Variants in CDH4 observed in about 807,000 individuals in gnomAD.
The protein encoded by CDH4 is cadherin-4.
Under a neutral mutation model 86.0 loss-of-function variants are expected in CDH4, and 33 were observed. The ratio of observed to expected loss-of-function variants is 0.38; its 90% CI spans 0.29 to 0.51. The LOEUF is 0.51. Among genes scored for constraint, CDH4 ranks in the 20% least tolerant of loss-of-function variants. The pLI, the probability that CDH4 is intolerant of heterozygous loss-of-function variation, is 0.86. For synonymous variants in CDH4, 555 were observed against 549.4 expected (o/e 1.01, Z -0.14); for missense variants, 1,114 against 1,307.4 (o/e 0.85, Z 2.28).
chr20:61,720,339 G>A (rs2088022212), intron 2 of CDH4, among the ~76,000 whole-genome samples: 1 of 152,122 alleles, frequency 6.6e-6, no homozygotes, highest in African/African-American at 2.4e-5. Context: ...CAGGAAGCAG[G>A]GCAGCAACTT....
intron 4 of CDH4, among the ~76,000 whole-genome samples, chr20:61,795,734 G>C (rs1426038896): frequency 2.0e-5 from 3 of 152,136 alleles, no homozygotes; most frequent in Admixed American, 6.5e-5. Context: ...CAGGAAGGAG[G>C]GAGGCTGGGC....
intron 2 of CDH4, among the ~76,000 whole-genome samples, chr20:61,318,041 G>A (rs774136788): frequency 3.9e-5 from 6 of 152,176 alleles, no homozygotes; most frequent in Non-Finnish European, 7.4e-5. Flanking sequence ...AGACTAAAGG[G>A]CTGGAGGGTG....
chr20:61,506,593 T>G (rs1166238415), intron 2 of CDH4, among the ~76,000 whole-genome samples: 1 of 152,248 alleles, frequency 6.6e-6, no homozygotes, highest in Non-Finnish European at 1.5e-5. Flanking sequence ...AAAGAATTAA[T>G]TCAGTGGATA....
At chr20:61,560,866 C>A (rs1309332666) in intron 2 of CDH4, among the ~76,000 whole-genome samples, 1 of 152,224 alleles carries the variant, frequency 6.6e-6, no homozygotes, top group African/African-American at 2.4e-5. Flanking sequence ...GATCCCCCAG[C>A]CAGCGGACAT....
At chr20:61,295,854 C>T (rs114885502) in intron 2 of CDH4, among the ~76,000 whole-genome samples, 2,521 of 152,322 alleles carry the variant, frequency 0.017, 72 homozygotes, top group African/African-American at 0.056. Context: ...TCCTGGGGTC[C>T]CCGGCCGGCC....
At chr20:61,311,925 G>A (rs1031240188) in intron 2 of CDH4, among the ~76,000 whole-genome samples, 7 of 152,252 alleles carry the variant, frequency 4.6e-5, no homozygotes, top group South Asian at 2.1e-4. Flanking sequence ...TGTTCCTCCT[G>A]TGCCCGAGCC....
intron 2 of CDH4, among the ~76,000 whole-genome samples, chr20:61,271,313 G>A (rs903259575): frequency 1.3e-5 from 2 of 152,208 alleles, no homozygotes; most frequent in African/African-American, 2.4e-5. Flanking sequence ...CCTGGCTTCC[G>A]AAATAATTGC....
chr20:61,783,850 G>A (rs1218504364), intron 4 of CDH4, among the ~76,000 whole-genome samples: 3 of 51,512 alleles, frequency 5.8e-5, no homozygotes, highest in Non-Finnish European at 1.1e-4. Flanking sequence ...AGTTCTCAAG[G>A]CCCTCAGATG....
intron 2 of CDH4, among the ~76,000 whole-genome samples, chr20:61,576,507 G>GT (rs1395612991): frequency 2.0e-5 from 3 of 152,228 alleles, no homozygotes; most frequent in Non-Finnish European, 2.9e-5. Flanking sequence ...CTGGCTTGGA[G>GT]TAGGAGTAGG....
At chr20:61,607,496 C>T (rs1283447875) in intron 2 of CDH4, among the ~76,000 whole-genome samples, 1 of 152,114 alleles carries the variant, frequency 6.6e-6, no homozygotes, top group Non-Finnish European at 1.5e-5. Context: ...CACATTAGTG[C>T]AGAAAGAGGG....
chr20:61,363,432 T>A (rs1237571037), intron 2 of CDH4, among the ~76,000 whole-genome samples: 2 of 151,332 alleles, frequency 1.3e-5, no homozygotes, highest in East Asian at 3.9e-4. Flanking sequence ...CTCTCTCACA[T>A]ACACACACAC....
At chr20:61,924,310 C>A in intron 10 of CDH4, 24 bp from the exon 11 acceptor site, 1 of 1,607,098 alleles carries the variant, frequency 6.2e-7, no homozygotes, top group Non-Finnish European at 8.5e-7. Flanking sequence ...GCCTTACCTC[C>A]CCCTGCACTT....
intron 2 of CDH4, among the ~76,000 whole-genome samples, chr20:61,433,616 G>T (rs1243400267): frequency 1.3e-5 from 2 of 152,160 alleles, no homozygotes; most frequent in Non-Finnish European, 2.9e-5. Context: ...TGTGCAACTT[G>T]TACGTGAGTT....
At chr20:61,787,533 C>T (rs549601426) in intron 4 of CDH4, among the ~76,000 whole-genome samples, 2 of 152,332 alleles carry the variant, frequency 1.3e-5, no homozygotes, top group African/African-American at 2.4e-5. Flanking sequence ...ATGGGAACTA[C>T]AATTCAAGAT....
chr20:61,842,001 GA>G, intron 4 of CDH4, among the ~76,000 whole-genome samples: 1 of 152,228 alleles, frequency 6.6e-6, no homozygotes, highest in Non-Finnish European at 1.5e-5. Flanking sequence ...GTGCAAATGC[GA>G]AATGCTGGCT....
At chr20:61,909,020 C>T (rs1393474727) in intron 8 of CDH4, among the ~76,000 whole-genome samples, 1 of 152,206 alleles carries the variant, frequency 6.6e-6, no homozygotes. Flanking sequence ...AACTTGGTCA[C>T]CTCTTTAAAA....
intron 9 of CDH4, among the ~76,000 whole-genome samples, chr20:61,918,709 G>A (rs2054933045): frequency 1.3e-5 from 2 of 152,102 alleles, no homozygotes; most frequent in African/African-American, 4.8e-5. Flanking sequence ...GCGTGGTATT[G>A]CAGTGACTGC....
chr20:61,447,894 A>G (rs1430282026), intron 2 of CDH4, among the ~76,000 whole-genome samples: 1 of 151,974 alleles, frequency 6.6e-6, no homozygotes, highest in Non-Finnish European at 1.5e-5. Flanking sequence ...ATTTTCCAAC[A>G]CTTTCCCCAG....
intron 4 of CDH4, among the ~76,000 whole-genome samples, chr20:61,804,407 G>A (rs915907028): frequency 4.6e-5 from 7 of 152,184 alleles, no homozygotes; most frequent in South Asian, 4.1e-4. Context: ...CCTCTCCGCC[G>A]TCCAGCCTCT....
Sources: allele counts gnomAD v4.1 joint callset (sites outside exome capture counted in the v4.1 genomes callset), GRCh38; gene constraint gnomAD v4.1.1; transcripts MANE v1.5; gene names NCBI Gene and HGNC (gene_info 2026-07-23, HGNC 2026-07-21).